Variants in CCDC102B observed in about 807,000 individuals in gnomAD.
CCDC102B encodes coiled-coil domain-containing protein 102B.
In CCDC102B, 75 loss-of-function variants were observed where a neutral mutation model predicts 57.4. That is an observed-to-expected ratio of 1.31 (90% confidence interval 1.08 to 1.58). CCDC102B has a LOEUF of 1.58. Among genes scored for constraint, CCDC102B ranks in the 40% most tolerant of loss-of-function variants. CCDC102B has a pLI of 0.00. For synonymous variants in CCDC102B, 206 were observed against 201.9 expected (o/e 1.02, Z -0.17); for missense variants, 636 against 582.6 (o/e 1.09, Z -0.94).
chr18:68,973,354 T>C (rs2050349664), intron 6 of CCDC102B, among the ~76,000 whole-genome samples: 1 of 152,124 alleles, frequency 6.6e-6, no homozygotes, highest in African/African-American at 2.4e-5. Context: ...AGTCCAAAAA[T>C]AATAAATCAA....
At chr18:68,995,167 G>C (rs2050988828) in intron 6 of CCDC102B, among the ~76,000 whole-genome samples, 2 of 152,166 alleles carry the variant, frequency 1.3e-5, no homozygotes, top group African/African-American at 4.8e-5. Flanking sequence ...CTTTGAACTT[G>C]AGAGAGATGA....
At chr18:68,845,076 C>T (rs369976946) in intron 3 of CCDC102B, among the ~76,000 whole-genome samples, 11 of 151,854 alleles carry the variant, frequency 7.2e-5, no homozygotes, top group African/African-American at 2.7e-4. Flanking sequence ...TTTATATCCT[C>T]TTTCAATTTT....
intron 2 of CCDC102B, among the ~76,000 whole-genome samples, chr18:68,766,543 T>C (rs1228202680): frequency 6.6e-6 from 1 of 152,214 alleles, no homozygotes; most frequent in African/African-American, 2.4e-5. Flanking sequence ...CCAAAATCCA[T>C]AGACAATCAT....
intron 1 of CCDC102B, among the ~76,000 whole-genome samples, chr18:68,811,072 C>G (rs2036245432): frequency 2.6e-5 from 4 of 152,104 alleles, no homozygotes; most frequent in African/African-American, 9.7e-5. Flanking sequence ...TGTATATGTG[C>G]CACATTTTCT....
At chr18:68,842,698 G>A (rs1192735496) in intron 3 of CCDC102B, among the ~76,000 whole-genome samples, 5 of 152,122 alleles carry the variant, frequency 3.3e-5, no homozygotes, top group African/African-American at 7.2e-5. Flanking sequence ...TCACTGTCCC[G>A]TATTGGTGAT....
At position 68,738,245 on chromosome 18, in the gene CCDC102B, G is replaced by A. The variant is rs73967600; in HGVS notation, c.-67+21651G>A. The stretch of plus-strand genomic sequence containing the variant: ...GTGGGTATCTGAGAATGAGTTGATC[G>A]TATGCAGGATCCTATGTGAGCAGAG... On this transcript the variant is annotated intron_variant, in intron 2 of 3. Transcript: ENST00000578970. Among the ~76,000 whole-genome samples, 779 of 152,176 alleles carry A rather than the reference G, an allele frequency of 5.1e-3. 6 individuals carry two copies. The highest frequency in any genetic ancestry group is 0.018 in the African/African-American group (740 of 41,510).
rs113470471 is a variant in CCDC102B, at chr18:68,874,873, G to A, written c.1053+88G>A. The A allele has an allele frequency of 6.4e-5, 50 of 778,046 alleles. 2 individuals are homozygous for A. The Middle Eastern group carries it at 1.1e-3, about 17-fold the overall frequency. The allele number at this position is 778,046 out of a possible 1,614,324, so 48.2% of individuals were successfully genotyped here. Reference sequence around the variant, plus strand: ...TACTATTTTAAGTAGGGTAACGGTCGTGCCTTTGGTTACTTTATGAAAGTG... The same window carrying A: ...TACTATTTTAAGTAGGGTAACGGTCATGCCTTTGGTTACTTTATGAAAGTG... On this transcript the variant is annotated intron_variant, in intron 5 of 7. Coordinates refer to ENST00000360242, the MANE Select transcript of CCDC102B (RefSeq NM_024781.3).
intron 2 of CCDC102B, among the ~76,000 whole-genome samples, chr18:68,727,693 C>T (rs1487272803): frequency 6.6e-6 from 1 of 152,180 alleles, no homozygotes; most frequent in African/African-American, 2.4e-5. Flanking sequence ...TTACAGGTGA[C>T]AATTCCAGAA....
intron 6 of CCDC102B, among the ~76,000 whole-genome samples, chr18:69,005,170 T>C (rs555803375): frequency 6.6e-6 from 1 of 152,304 alleles, no homozygotes; most frequent in African/African-American, 2.4e-5. Flanking sequence ...CATTTGATTG[T>C]GATAACAATC....
intron 1 of CCDC102B, among the ~76,000 whole-genome samples, chr18:68,799,899 T>G (rs1468832495): frequency 6.6e-6 from 1 of 152,144 alleles, no homozygotes; most frequent in African/African-American, 2.4e-5. Context: ...ATCTTAACAT[T>G]GCACACAGAA....
intron 6 of CCDC102B, among the ~76,000 whole-genome samples, chr18:68,953,424 A>G (rs367768128): frequency 3.1e-5 from 4 of 128,154 alleles, no homozygotes; most frequent in East Asian, 2.2e-4. Context: ...TGTAGTTTTG[A>G]TTTGTATTTC....
At chr18:68,956,084 G>A (rs2049837952) in intron 6 of CCDC102B, among the ~76,000 whole-genome samples, 1 of 151,002 alleles carries the variant, frequency 6.6e-6, no homozygotes, top group East Asian at 1.9e-4. Context: ...TCTGTGCCTG[G>A]CTTGTTTCGC....
intron 5 of CCDC102B, among the ~76,000 whole-genome samples, chr18:68,890,149 T>C (rs1225384387): frequency 6.6e-6 from 1 of 152,228 alleles, no homozygotes. Flanking sequence ...TAAATGTTCA[T>C]TGCTTACCTT....
intron 1 of CCDC102B, among the ~76,000 whole-genome samples, chr18:68,801,022 A>C (rs1300598144): frequency 6.6e-6 from 1 of 152,070 alleles, no homozygotes; most frequent in Non-Finnish European, 1.5e-5. Flanking sequence ...TTTTTTGTTC[A>C]ATGTATACAT....
chr18:68,853,119 G>T (rs1207671829), intron 4 of CCDC102B, among the ~76,000 whole-genome samples: 2 of 152,174 alleles, frequency 1.3e-5, no homozygotes, highest in Non-Finnish European at 2.9e-5. Flanking sequence ...CCAAGTTGAA[G>T]TTGAGCTGAG....
chr18:68,812,957 T>A (rs72947496), intron 1 of CCDC102B, among the ~76,000 whole-genome samples: 20,854 of 151,310 alleles, frequency 0.14, 1,506 homozygotes, highest in East Asian at 0.3. Flanking sequence ...GAAGCTGAGG[T>A]CAGAAAAGAG....
chr18:68,721,990 G>A (rs1266889854), intron 2 of CCDC102B, among the ~76,000 whole-genome samples: 1 of 152,138 alleles, frequency 6.6e-6, no homozygotes. Context: ...AATTCAAGTG[G>A]GGCAAGTACA....
At chr18:69,017,553 A>G (rs763819312) in intron 7 of CCDC102B, among the ~76,000 whole-genome samples, 7 of 152,122 alleles carry the variant, frequency 4.6e-5, no homozygotes, top group Non-Finnish European at 1.0e-4. Context: ...TTATACATAT[A>G]TTTAATGTGT....
Position 68,745,459 on chromosome 18 carries a change from A to ATTTT in CCDC102B, c.-67+28869_-67+28872dup, listed in dbSNP as rs5825871. On this transcript the variant is annotated intron_variant, in intron 2 of 3. Coordinates refer to the CCDC102B transcript ENST00000578970. The stretch of plus-strand genomic sequence containing the variant: ...TGCCCTCATTTCATTTAAAAAATTA[A>ATTTT]TTTTTTTAATGAAGATATAATTGTA... Among the ~76,000 whole-genome samples, 4 of 151,948 alleles carry ATTTT rather than the reference A, an allele frequency of 2.6e-5. No homozygotes were observed. The South Asian group carries it at 8.3e-4, about 32-fold the overall frequency.
Sources: gnomAD v4.1 joint callset for allele counts (sites outside exome capture counted in the v4.1 genomes callset) on GRCh38, gnomAD v4.1.1 for gene constraint, MANE v1.5 for transcripts, NCBI Gene and HGNC (gene_info 2026-07-23, HGNC 2026-07-21) for gene names.